Variants in MCTP1 observed in about 807,000 individuals in gnomAD.
MCTP1 encodes multiple C2 and transmembrane domain containing 1.
A neutral mutation model predicts 120.6 loss-of-function variants in MCTP1; 69 were observed. That is an observed-to-expected ratio of 0.57 (90% confidence interval 0.47 to 0.70). The LOEUF (loss-of-function observed/expected upper bound fraction) is 0.70, where lower values mean the gene tolerates loss of function less well. Ranked by LOEUF, MCTP1 falls within the 30% of genes least tolerant of loss-of-function variation. The pLI is 0.00. For missense variants in MCTP1, 1,203 were observed against 1,248.8 expected (o/e 0.96, Z 0.55); for synonymous variants, 529 against 493.1 (o/e 1.07, Z -0.96).
chr5:94,825,063 T>G (rs1240702149), intron 17 of MCTP1, among the ~76,000 whole-genome samples: 1 of 152,218 alleles, frequency 6.6e-6, no homozygotes, highest in African/African-American at 2.4e-5. Context: ...ATCTTAGTTA[T>G]TTCTTGTCTT....
At chr5:95,201,463 G>GTTTTTTTTTTTTTTTTTTTTTTTTTTT (rs1562232022) in intron 1 of MCTP1, among the ~76,000 whole-genome samples, 1 of 120,682 alleles carries the variant, frequency 8.3e-6, no homozygotes. Context: ...AAGGAAAAGT[G>GTTTTTTTTTTTTTTTTTTTTTTTTTTT]GTTTTTTTTT....
At chr5:95,192,610 T>C (rs943076470) in intron 1 of MCTP1, among the ~76,000 whole-genome samples, 9 of 152,118 alleles carry the variant, frequency 5.9e-5, no homozygotes, top group African/African-American at 2.2e-4. Flanking sequence ...GGTAAGTTGT[T>C]ATTTTACTAA....
At chr5:94,942,850 A>G (rs1178746554) in intron 3 of MCTP1, among the ~76,000 whole-genome samples, 2 of 152,104 alleles carry the variant, frequency 1.3e-5, no homozygotes, top group Non-Finnish European at 2.9e-5. Context: ...TTAAACATAC[A>G]AATAAGTAAA....
At chr5:94,788,931 C>T (rs1778326521) in intron 18 of MCTP1, 1 of 152,154 alleles carries the variant, frequency 6.6e-6, no homozygotes, top group Admixed American at 6.5e-5. Flanking sequence ...GGAGAACCAT[C>T]AAGATGGTGA....
At chr5:94,786,397 T>C (rs1777696316) in intron 18 of MCTP1, among the ~76,000 whole-genome samples, 1 of 152,156 alleles carries the variant, frequency 6.6e-6, no homozygotes, top group Non-Finnish European at 1.5e-5. Flanking sequence ...TATCCTTTTC[T>C]ATAAATAATG....
chr5:94,898,260 G>A (rs891995804), intron 10 of MCTP1, among the ~76,000 whole-genome samples: 2 of 152,104 alleles, frequency 1.3e-5, no homozygotes, highest in Non-Finnish European at 2.9e-5. Flanking sequence ...AAGGTTCTTT[G>A]TGCTAGTTAA....
chr5:95,098,395 T>C (rs1469017027), intron 1 of MCTP1, among the ~76,000 whole-genome samples: 1 of 152,234 alleles, frequency 6.6e-6, no homozygotes, highest in Non-Finnish European at 1.5e-5. Flanking sequence ...TAGTGTTTTC[T>C]GATATACATA....
At chr5:95,076,644 G>A (rs1582177496) in intron 1 of MCTP1, among the ~76,000 whole-genome samples, 1 of 152,058 alleles carries the variant, frequency 6.6e-6, no homozygotes, top group East Asian at 1.9e-4. Context: ...TTCTAAGCGA[G>A]GGAAATCACC....
intron 1 of MCTP1, among the ~76,000 whole-genome samples, chr5:95,200,803 T>C (rs970254679): frequency 2.9e-4 from 44 of 152,218 alleles, no homozygotes; most frequent in African/African-American, 9.4e-4. Flanking sequence ...TTAAGTGTTC[T>C]CACCACAAAA....
chr5:95,126,801 C>T (rs1758666720), intron 1 of MCTP1, among the ~76,000 whole-genome samples: 1 of 151,944 alleles, frequency 6.6e-6, no homozygotes, highest in African/African-American at 2.4e-5. Context: ...CAATTAATGG[C>T]AAATCCTTTT....
At chr5:94,841,176 G>A (rs1790949713) in intron 17 of MCTP1, among the ~76,000 whole-genome samples, 1 of 152,164 alleles carries the variant, frequency 6.6e-6, no homozygotes, top group African/African-American at 2.4e-5. Context: ...TCCACCCAGG[G>A]AACGGAAACA....
chr5:94,913,931 G>A (rs973565566), intron 8 of MCTP1, among the ~76,000 whole-genome samples: 5 of 152,020 alleles, frequency 3.3e-5, no homozygotes, highest in African/African-American at 1.2e-4. Flanking sequence ...CTGGAGTGCA[G>A]TGGCATGATC....
At chr5:94,878,510 C>CT (rs1205261642) in intron 12 of MCTP1, among the ~76,000 whole-genome samples, 2 of 151,760 alleles carry the variant, frequency 1.3e-5, no homozygotes, top group Non-Finnish European at 2.9e-5. Flanking sequence ...AGATCTAATA[C>CT]TTTTTTTTCA....
At chr5:95,130,731 C>A (rs1226421949) in intron 1 of MCTP1, among the ~76,000 whole-genome samples, 3 of 152,106 alleles carry the variant, frequency 2.0e-5, no homozygotes, top group Non-Finnish European at 4.4e-5. Context: ...CTTAGAAGGA[C>A]CCCAATCATA....
intron 1 of MCTP1, among the ~76,000 whole-genome samples, chr5:95,140,837 G>A (rs187181547): frequency 0.013 from 1,626 of 122,436 alleles, 31 homozygotes; most frequent in African/African-American, 0.046. Context: ...CAGAGATTGC[G>A]CCACTGCACT....
At chr5:94,862,852 A>G (rs1366654204) in intron 17 of MCTP1, among the ~76,000 whole-genome samples, 1 of 151,882 alleles carries the variant, frequency 6.6e-6, no homozygotes, top group Non-Finnish European at 1.5e-5. Context: ...ATGTACTAGC[A>G]TGTCCAGATG....
intron 1 of MCTP1, among the ~76,000 whole-genome samples, chr5:95,121,601 C>G (rs2152408596): frequency 6.6e-6 from 1 of 151,592 alleles, no homozygotes; most frequent in Admixed American, 6.6e-5. Context: ...TTAATGTAAT[C>G]CTTATCAAAA....
chr5:94,888,706 G>T (rs914613096), intron 12 of MCTP1, among the ~76,000 whole-genome samples, 173 bp downstream of exon 12: 5 of 152,160 alleles, frequency 3.3e-5, no homozygotes, highest in African/African-American at 1.2e-4. Flanking sequence ...CCTTTAAAAA[G>T]CAGAGATACT....
chr5:94,720,577 TA>T (rs1222071181), intron 19 of MCTP1, among the ~76,000 whole-genome samples: 2 of 152,194 alleles, frequency 1.3e-5, no homozygotes, highest in Non-Finnish European at 2.9e-5. Flanking sequence ...AATCCTAATT[TA>T]GGTTTAAAAT....
Sources: allele counts gnomAD v4.1 joint callset (sites outside exome capture counted in the v4.1 genomes callset), GRCh38; gene constraint gnomAD v4.1.1; transcripts MANE v1.5; gene names NCBI Gene and HGNC (gene_info 2026-07-23, HGNC 2026-07-21).